The following USP30 variants were observed in gnomAD, a reference collection of about 807,000 sequenced individuals.
USP30 encodes the protein ubiquitin specific peptidase 30, also known as ubiquitin carboxyl-terminal hydrolase 30.
USP30 carries 41 observed loss-of-function variants against 68.2 expected under a neutral mutation model. The observed-to-expected ratio is 0.60, with a 90% CI of 0.47 to 0.78. The LOEUF is 0.78. Ranked by LOEUF, USP30 falls within the 30% of genes least tolerant of loss-of-function variation. The pLI is 0.00. For missense variants in USP30, 522 were observed against 649.4 expected, an observed-to-expected ratio of 0.80 and a Z score of 2.13; for synonymous variants, 229 against 253.7, an observed-to-expected ratio of 0.90 and a Z score of 0.93.
At chr12:109,083,709 TGAG>T (rs1301929732) in intron 11 of USP30, among the ~76,000 whole-genome samples, 1 of 152,148 alleles carries the variant, frequency 6.6e-6, no homozygotes, top group East Asian at 1.9e-4. Context: ...GAGTTAGACA[TGAG>T]GAAAACCCAC....
chr12:109,042,825 A>G (rs1052355054), intron 3 of USP30, among the ~76,000 whole-genome samples: 7 of 152,180 alleles, frequency 4.6e-5, no homozygotes, highest in African/African-American at 7.2e-5. Flanking sequence ...TTGTTTTCAG[A>G]TGATATGATT....
At chr12:109,072,223 G>A (rs1048019784) in intron 5 of USP30, 82 bp from the exon 6 acceptor site, 2 of 1,253,854 alleles carry the variant, frequency 1.6e-6, no homozygotes, top group East Asian at 2.3e-5. Context: ...GTAGAAACTT[G>A]TAAGGTTTAG....
At chr12:109,071,484 C>G (rs962103894) in intron 4 of USP30, 128 bp from the exon 5 acceptor site, 1 of 682,442 alleles carries the variant, frequency 1.5e-6, no homozygotes, top group African/African-American at 1.8e-5. Flanking sequence ...CTTTAATGAG[C>G]TGGGCCTTGA....
At chr12:109,051,517 C>A (rs1170389404), upstream of USP30, among the ~76,000 whole-genome samples, 1 of 131,060 alleles carries the variant, frequency 7.6e-6, no homozygotes, top group East Asian at 2.3e-4. Context: ...CCCACCCCCA[C>A]CCCCCGGCCT....
intron 3 of USP30, among the ~76,000 whole-genome samples, chr12:109,038,602 A>T (rs954315838): frequency 1.2e-4 from 18 of 152,304 alleles, no homozygotes; most frequent in African/African-American, 4.1e-4. Flanking sequence ...GTGTGGGCTT[A>T]TATTTCCCTT....
In USP30 at chr12:109,085,700, TGTC is replaced by T. The variant is rs776920053; in HGVS notation, c.1327_1329del (p.Val443del). The stretch of plus-strand genomic sequence containing the variant: ...CATACCTCTTCCGGCTGATGGCAGT[TGTC>T]GTCCACCATGGAGACATGCACTCTG... On this transcript the variant is annotated inframe_deletion, in exon 13 of 13. Transcript: ENST00000257548. 62 of 1,614,152 alleles carry T rather than the reference TGTC, an allele frequency of 3.8e-5. No homozygotes were observed. The highest frequency in any genetic ancestry group is 7.6e-6 in the Non-Finnish European group (9 of 1,180,052).
rs1395657837 is a variant in USP30 at position 109,067,524 on chromosome 12, C to T, written c.377C>T (p.Ala126Val). The T allele has an allele frequency of 2.5e-5, 40 of 1,612,864 alleles. No homozygotes were observed. The highest frequency in any genetic ancestry group is 3.1e-5 in the Non-Finnish European group (37 of 1,179,598). ...LSLTLLHLLK[A>V]LSCQEVTDDE... ...ATTGTCTTACCTTTTTTGTTTCCAG[C>T]CTTGTCCTGCCAAGAAGTTACTGAT... The change falls in exon 4 of 13, where the codon GCC (alanine) becomes GTC (valine). Residue 126 changes from alanine (A) to valine (V), a missense_variant and splice_region_variant. By Grantham distance (64) the Ala-to-Val change is moderately conservative. Coordinates refer to ENST00000257548, the MANE Select transcript of USP30 (RefSeq NM_032663.5).
At chr12:109,079,358 T>TTTTTTTTTTTTTTTTTTTTTTTTTTC in intron 7 of USP30, among the ~76,000 whole-genome samples, 1 of 114,370 alleles carries the variant, frequency 8.7e-6, no homozygotes, top group African/African-American at 3.6e-5. Flanking sequence ...TTTCTTTTTT[T>TTTTTTTTTTTTTTTTTTTTTTTTTTC]TTTTTTTTTT....
At chr12:109,058,714 TA>T (rs201090244) in intron 3 of USP30, among the ~76,000 whole-genome samples, 13 of 148,780 alleles carry the variant, frequency 8.7e-5, no homozygotes, top group Non-Finnish European at 1.5e-4. Flanking sequence ...AACATTAAAG[TA>T]AAAAAAAAAT....
At chr12:109,067,099 A>G (rs1211033148) in intron 3 of USP30, among the ~76,000 whole-genome samples, 1 of 150,044 alleles carries the variant, frequency 6.7e-6, no homozygotes, top group Non-Finnish European at 1.5e-5. Context: ...TTAATCCTAC[A>G]GTCCTTAATT....
At chr12:109,039,112 G>A (rs1260497977) in intron 3 of USP30, among the ~76,000 whole-genome samples, 2 of 152,106 alleles carry the variant, frequency 1.3e-5, no homozygotes, top group Non-Finnish European at 2.9e-5. Flanking sequence ...TAGATCCAAT[G>A]TATCAGTTTT....
At chr12:109,052,310 C>T (rs2040686999), upstream of USP30, 1 of 175,414 alleles carries the variant, frequency 5.7e-6, no homozygotes, top group Admixed American at 6.3e-5. Context: ...CTGTTGGCCT[C>T]CCTTCCCCAC....
chr12:109,072,281 GTT>G (rs111762860), intron 5 of USP30, 22 bp from the exon 6 acceptor site: 74 of 1,342,062 alleles, frequency 5.5e-5, no homozygotes, highest in African/African-American at 3.8e-4. Context: ...TTTTCAGTCT[GTT>G]TTTTTTTTTT....
intron 3 of USP30, among the ~76,000 whole-genome samples, chr12:109,059,505 T>C (rs1041352531): frequency 8.6e-5 from 13 of 151,944 alleles, no homozygotes; most frequent in Non-Finnish European, 1.8e-4. Context: ...CCCAACTTCA[T>C]TTTTATTTTT....
intron 6 of USP30, 115 bp from the exon 7 acceptor site, chr12:109,073,323 C>G: frequency 1.4e-6 from 1 of 703,228 alleles, no homozygotes; most frequent in Non-Finnish European, 2.5e-6. Context: ...ATGTACTTTT[C>G]AAGAATATTT....
At chr12:109,072,517 C>T (rs925270846) in intron 6 of USP30, among the ~76,000 whole-genome samples, 167 bp downstream of exon 6, 1 of 152,120 alleles carries the variant, frequency 6.6e-6, no homozygotes, top group African/African-American at 2.4e-5. Context: ...AATAGATTCT[C>T]TTGGTGTTCC....
chr12:109,042,402 C>G (rs1417776700), intron 3 of USP30, among the ~76,000 whole-genome samples: 1 of 152,106 alleles, frequency 6.6e-6, no homozygotes, highest in African/African-American at 2.4e-5. Flanking sequence ...TTATTTATCC[C>G]TACAATTATA....
chr12:109,031,975 A>T (rs146572489), intron 3 of USP30, among the ~76,000 whole-genome samples: 51 of 151,990 alleles, frequency 3.4e-4, no homozygotes, highest in African/African-American at 1.2e-3. Flanking sequence ...CATGGTGTGC[A>T]TCTGTAGTCC....
intron 3 of USP30, among the ~76,000 whole-genome samples, chr12:109,034,915 T>C (rs1259162933): frequency 6.6e-6 from 1 of 152,244 alleles, no homozygotes; most frequent in Non-Finnish European, 1.5e-5. Context: ...AAGTCTATTT[T>C]GTCTGATATT....
Sources: gnomAD v4.1 joint callset for allele counts (sites outside exome capture counted in the v4.1 genomes callset) on GRCh38, gnomAD v4.1.1 for gene constraint, MANE v1.5 for transcripts, NCBI Gene and HGNC (gene_info 2026-07-23, HGNC 2026-07-21) for gene names.